HNF4G: variants seen among roughly 807,000 people sequenced by gnomAD.
HNF4G encodes the protein hepatocyte nuclear factor 4 gamma.
Under a neutral mutation model 50.9 loss-of-function variants are expected in HNF4G, and 21 were observed. That is an observed-to-expected ratio of 0.41 (90% CI 0.29 to 0.59). HNF4G has a LOEUF of 0.59. Ranked by LOEUF, HNF4G falls within the 20% of genes least tolerant of loss-of-function variation. HNF4G has a pLI of 0.26. For synonymous variants in HNF4G, 198 were observed against 185.6 expected, an observed-to-expected ratio of 1.07 and a Z score of -0.54; for missense variants, 527 against 559.4, an observed-to-expected ratio of 0.94 and a Z score of 0.58.
At chr8:75,518,834 T>C (rs1669482465) in intron 2 of HNF4G, among the ~76,000 whole-genome samples, 1 of 152,158 alleles carries the variant, frequency 6.6e-6, no homozygotes, top group South Asian at 2.1e-4. Flanking sequence ...CCCCATTGTC[T>C]TAGTGATTAA....
At chr8:75,495,823 T>C in intron 2 of HNF4G, among the ~76,000 whole-genome samples, 1 of 152,084 alleles carries the variant, frequency 6.6e-6, no homozygotes, top group East Asian at 1.9e-4. Context: ...AAATATTTGA[T>C]ACAAACATAC....
chr8:75,457,385 A>G (rs996233285), intron 1 of HNF4G, among the ~76,000 whole-genome samples: 13 of 152,146 alleles, frequency 8.5e-5, no homozygotes, highest in Admixed American at 2.0e-4. Context: ...CTTAAGATAG[A>G]AGGGAGATTG....
intron 2 of HNF4G, among the ~76,000 whole-genome samples, chr8:75,511,408 A>C (rs1475385271): frequency 6.6e-6 from 1 of 152,176 alleles, no homozygotes; most frequent in African/African-American, 2.4e-5. Context: ...CTTCAGAATT[A>C]TCCTGGCCTC....
intron 2 of HNF4G, among the ~76,000 whole-genome samples, chr8:75,502,015 G>C (rs2130706913): frequency 6.6e-6 from 1 of 152,162 alleles, no homozygotes; most frequent in Non-Finnish European, 1.5e-5. Context: ...ACCACGCCCA[G>C]CTAATTTTTG....
chr8:75,535,383 A>G (rs568609756), upstream of HNF4G, among the ~76,000 whole-genome samples: 75 of 151,908 alleles, frequency 4.9e-4, no homozygotes, highest in African/African-American at 1.7e-3. Context: ...TTTTTGAGAA[A>G]CAAAAGGTGG....
chr8:75,477,766 A>G (rs531250053), intron 1 of HNF4G, among the ~76,000 whole-genome samples: 6 of 151,444 alleles, frequency 4.0e-5, no homozygotes, highest in Admixed American at 2.6e-4. Context: ...TTGGGAGTTT[A>G]AGACCAGTCT....
At chr8:75,438,775 C>T (rs1468407657) in intron 1 of HNF4G, among the ~76,000 whole-genome samples, 1 of 152,116 alleles carries the variant, frequency 6.6e-6, no homozygotes, top group East Asian at 1.9e-4. Context: ...ATCTCTTCTA[C>T]TCTATACTCC....
chr8:75,550,570 C>G (rs2130800179), intron 3 of HNF4G, among the ~76,000 whole-genome samples: 1 of 152,226 alleles, frequency 6.6e-6, no homozygotes, highest in African/African-American at 2.4e-5. Context: ...GCTGGGATTA[C>G]AGACTTGAAC....
chr8:75,491,768 G>A lies in HNF4G; in HGVS notation c.-24+1560G>A, dbSNP rs114211951. Among the ~76,000 whole-genome samples, 345 of 152,264 alleles carry A rather than the reference G, an allele frequency of 2.3e-3. 2 individuals carry two copies. The highest frequency in any genetic ancestry group is 7.9e-3 in the African/African-American group (327 of 41,560). On this transcript the variant is annotated intron_variant, in intron 2 of 10. Transcript: ENST00000354370. ...TAAGATTACAGGCGTGAGCCACCGC[G>A]TCAGGCCAGATCACTGTAATTCTCA...
intron 1 of HNF4G, among the ~76,000 whole-genome samples, chr8:75,442,211 T>C (rs830783): frequency 0.84 from 127,671 of 152,122 alleles, 54,314 homozygotes; most frequent in African/African-American, 0.96. Context: ...AGTGGAGATT[T>C]AATCAAGTTA....
intron 2 of HNF4G, among the ~76,000 whole-genome samples, chr8:75,532,166 G>C (rs1041022781): frequency 2.0e-5 from 3 of 151,902 alleles, no homozygotes; most frequent in African/African-American, 7.3e-5. Flanking sequence ...ACTTGGAACT[G>C]CACATGTTAT....
chr8:75,440,441 C>A (rs554314514), intron 1 of HNF4G, among the ~76,000 whole-genome samples: 1 of 152,228 alleles, frequency 6.6e-6, no homozygotes, highest in African/African-American at 2.4e-5. Context: ...TTAACAACAC[C>A]AACTGCTTTT....
intron 1 of HNF4G, among the ~76,000 whole-genome samples, chr8:75,412,656 ATGCAC>A: frequency 6.6e-6 from 1 of 152,268 alleles, no homozygotes; most frequent in South Asian, 2.1e-4. Flanking sequence ...CCGTGGGCTT[ATGCAC>A]TGTCTTGTGC....
chr8:75,490,154 T>C (rs370485398), exon 2 of HNF4G: 1 of 152,620 alleles, frequency 6.6e-6, no homozygotes, highest in African/African-American at 2.4e-5. Context: ...GCTTACTCCT[T>C]GTATTGATTC....
At chr8:75,466,379 T>G (rs920009990) in intron 1 of HNF4G, among the ~76,000 whole-genome samples, 3 of 152,146 alleles carry the variant, frequency 2.0e-5, no homozygotes, top group Non-Finnish European at 2.9e-5. Context: ...TTTATCTAAT[T>G]TGTTTTATTA....
chr8:75,498,299 A>G (rs2130699340), intron 2 of HNF4G, among the ~76,000 whole-genome samples: 1 of 152,288 alleles, frequency 6.6e-6, no homozygotes, highest in Non-Finnish European at 1.5e-5. Flanking sequence ...AACAAATTTG[A>G]TAACTTAGAT....
In HNF4G at chr8:75,540,009, A is replaced by G; in HGVS notation, c.47A>G (p.Tyr16Cys). 6.2e-7 allele frequency: 1 copy of G among 1,606,714 alleles called. No individual in the cohort carries two copies. The highest frequency in any genetic ancestry group is 8.5e-7 in the Non-Finnish European group (1 of 1,173,386). ...EPILDMDMAN[Y>C]SEVLDPTYTT... ...ATACTGGACATGGACATGGCAAATT[A>G]CAGTGAAGTTTTGGACCCAACTTAC... Residue 16 changes from tyrosine (Y) to cysteine (C), a missense_variant, in exon 1 of 10, where the codon TAC (tyrosine) becomes TGC (cysteine). By Grantham distance (194) the Tyr-to-Cys change is radical (BLOSUM62 -2). This residue lies in a region of HNF4G where 84 missense variants were observed against 87.1 expected (regional missense o/e 0.96). Transcript: ENST00000396423.
intron 1 of HNF4G, among the ~76,000 whole-genome samples, chr8:75,454,471 T>C (rs1205413678): frequency 6.6e-6 from 1 of 152,204 alleles, no homozygotes; most frequent in Non-Finnish European, 1.5e-5. Flanking sequence ...TACCCACTAA[T>C]AGTAAGCACA....
chr8:75,537,314 G>A (rs1806490621), upstream of HNF4G, among the ~76,000 whole-genome samples: 3 of 151,960 alleles, frequency 2.0e-5, 1 homozygote. Context: ...CATGATCTTG[G>A]CTCACTGCAA....
Sources: allele counts gnomAD v4.1 joint callset (sites outside exome capture counted in the v4.1 genomes callset), GRCh38; gene constraint gnomAD v4.1.1; regional missense constraint gnomAD v4.1.1; transcripts MANE v1.5; gene names NCBI Gene and HGNC (gene_info 2026-07-23, HGNC 2026-07-21).